The following PTGDR variants were observed in gnomAD, a reference collection of about 807,000 sequenced individuals.
PTGDR encodes PGD2 receptor.
PTGDR carries 19 observed loss-of-function variants against 17.4 expected under a neutral mutation model. The ratio of observed to expected loss-of-function variants is 1.09; its 90% CI spans 0.76 to 1.60. The LOEUF (loss-of-function observed/expected upper bound fraction) is 1.60, where lower values mean the gene tolerates loss of function less well. Ranked by LOEUF, PTGDR falls within the 40% of genes most tolerant of loss-of-function variation. PTGDR has a pLI of 0.00. For synonymous variants in PTGDR, 267 were observed against 224.2 expected (o/e 1.19, Z -1.71); for missense variants, 526 against 481.9 (o/e 1.09, Z -0.86).
downstream of PTGDR, among the ~76,000 whole-genome samples, chr14:52,278,007 A>T (rs1235090265): frequency 6.6e-6 from 1 of 152,226 alleles, no homozygotes; most frequent in African/African-American, 2.4e-5. Context: ...TAATGTTCTC[A>T]GCAAAGTTAC....
In PTGDR at chr14:52,276,261, G is replaced by C. The variant is rs200550665; in HGVS notation, c.*1297G>C. On this transcript the variant is annotated 3_prime_UTR_variant, in exon 2 of 2. Transcript: ENST00000306051. ...TTCAAGGGGTTTCAGCATCTCTGGAGTTCCTTTGTATCTGACAATCTCAGG... is the reference window on the plus strand; with the variant it reads ...TTCAAGGGGTTTCAGCATCTCTGGACTTCCTTTGTATCTGACAATCTCAGG... The C allele has an allele frequency of 5.9e-5, 9 of 152,188 alleles. No individual in the cohort carries two copies. The highest frequency in any genetic ancestry group is 8.8e-5 in the Non-Finnish European group (6 of 68,036). 9.4% of individuals were successfully genotyped at this position (152,188 alleles called of 1,614,324 possible).
At chr14:52,278,866 A>T (rs185194717), downstream of PTGDR, among the ~76,000 whole-genome samples, 40 of 152,274 alleles carry the variant, frequency 2.6e-4, no homozygotes, top group East Asian at 5.8e-3. Flanking sequence ...GTCAAAGATT[A>T]TATTTAAAGT....
Position 52,268,240 on chromosome 14 carries a change from G to C in PTGDR, c.426G>C (p.Arg142=). 1 of 1,613,962 alleles carries C rather than the reference G, an allele frequency of 6.2e-7. No homozygotes were observed. Among genetic ancestry groups the C allele is most frequent in the Non-Finnish European group, 8.5e-7 (1 of 1,180,048 alleles). ...TAGGGCACCCTTTCTTCTACCGACG[G>C]CACATCACCCTGCGCCTGGGCGCAC... ...LSLGHPFFYR[R]HITLRLGALV... Residue 142 remains arginine, a synonymous_variant, in exon 1 of 2, where the codon CGG becomes CGC. Transcript: ENST00000306051.
At chr14:52,277,986 G>GT (rs1221069296), downstream of PTGDR, among the ~76,000 whole-genome samples, 1 of 152,178 alleles carries the variant, frequency 6.6e-6, no homozygotes, top group Non-Finnish European at 1.5e-5. Context: ...CTTCCACAGT[G>GT]TTTTTATCTG....
chr14:52,271,851 T>C (rs991344120), intron 1 of PTGDR, among the ~76,000 whole-genome samples: 6 of 152,232 alleles, frequency 3.9e-5, no homozygotes, highest in African/African-American at 7.2e-5. Flanking sequence ...TGAATAGGTA[T>C]TGGAGATTTT....
Position 52,268,547 on chromosome 14 carries a change from G to C in PTGDR, c.733G>C (p.Glu245Gln). The change falls in exon 1 of 2, where the codon GAG becomes CAG. Residue 245 changes from glutamate (E) to glutamine (Q), a missense_variant. By Grantham distance (29) the Glu-to-Gln change is conservative (BLOSUM62 2). Transcript: ENST00000306051. ...GCGCTCCTGCACCAGGGACTGTGCC[G>C]AGCCGCGCGCGGACGGGAGGGAAGC... ...HPRSCTRDCA[E>Q]PRADGREASP... 2 of 1,612,600 alleles carry C rather than the reference G, an allele frequency of 1.2e-6. No homozygotes were observed. The highest frequency in any genetic ancestry group is 1.7e-6 in the Non-Finnish European group (2 of 1,179,636).
At chr14:52,271,767 C>A (rs1438350014) in intron 1 of PTGDR, among the ~76,000 whole-genome samples, 2 of 152,286 alleles carry the variant, frequency 1.3e-5, no homozygotes, top group East Asian at 3.9e-4. Flanking sequence ...TCACTGTACA[C>A]TTGTGAGAGA....
intron 1 of PTGDR, among the ~76,000 whole-genome samples, chr14:52,274,486 A>C (rs912641551): frequency 6.6e-6 from 1 of 152,194 alleles, no homozygotes; most frequent in Middle Eastern, 3.2e-3. Context: ...TCAGGGACTT[A>C]ATCAGACTGG....
At chr14:52,272,188 T>C (rs1047414576) in intron 1 of PTGDR, among the ~76,000 whole-genome samples, 2 of 152,098 alleles carry the variant, frequency 1.3e-5, no homozygotes, top group African/African-American at 4.8e-5. Flanking sequence ...GTATTGTTCA[T>C]TGGGGCTGGT....
Position 52,275,086 on chromosome 14 carries a change from G to A in PTGDR, c.*122G>A. On this transcript the variant is annotated 3_prime_UTR_variant, in exon 2 of 2. Transcript: ENST00000306051. Reference sequence around the variant, plus strand: ...TTAAAAGTTACCTCCCATAACAAAAGCATGTATATGTATTTTCAAAAGTAT... The same window carrying A: ...TTAAAAGTTACCTCCCATAACAAAAACATGTATATGTATTTTCAAAAGTAT... The A allele has an allele frequency of 1.3e-6, 1 of 753,940 alleles. No homozygotes were observed. The highest frequency in any genetic ancestry group is 2.1e-6 in the Non-Finnish European group (1 of 475,220). 46.7% of individuals were successfully genotyped at this position (753,940 alleles called of 1,614,324 possible).
intron 1 of PTGDR, 51 bp downstream of exon 1, chr14:52,268,711 G>A: frequency 6.6e-7 from 1 of 1,508,690 alleles, no homozygotes; most frequent in Non-Finnish European, 8.9e-7. Context: ...TCCGGCCGCG[G>A]ATGCGGGGCG....
chr14:52,270,682 T>C (rs2033308436), intron 1 of PTGDR, among the ~76,000 whole-genome samples: 1 of 152,262 alleles, frequency 6.6e-6, no homozygotes, highest in African/African-American at 2.4e-5. Context: ...AAATAGTTAC[T>C]ATCTGGTCCT....
At chr14:52,279,074 C>G (rs907272496), downstream of PTGDR, among the ~76,000 whole-genome samples, 1 of 151,992 alleles carries the variant, frequency 6.6e-6, no homozygotes, top group African/African-American at 2.4e-5. Flanking sequence ...CTCATTTCTC[C>G]TAGTAATTCA....
downstream of PTGDR, among the ~76,000 whole-genome samples, chr14:52,277,857 C>CA (rs549271970): frequency 1.2e-3 from 189 of 151,834 alleles, 2 homozygotes; most frequent in African/African-American, 4.3e-3. Flanking sequence ...CTACACAAAA[C>CA]AAAAAAAGAA....
chr14:52,270,129 A>C (rs1030449846), intron 1 of PTGDR, among the ~76,000 whole-genome samples: 4 of 152,234 alleles, frequency 2.6e-5, no homozygotes, highest in Non-Finnish European at 5.9e-5. Context: ...TTACAAATGA[A>C]TCTCTGCAAT....
In PTGDR at chr14:52,276,230, G is replaced by C. The variant is rs1245265930; in HGVS notation, c.*1266G>C. On this transcript the variant is annotated 3_prime_UTR_variant, in exon 2 of 2. Transcript: ENST00000306051. Reference sequence around the variant, plus strand: ...TTCACCTTTGGTAAAAGAACAGCTGGGGAGGTTCAAGGGGTTTCAGCATCT... The same window carrying C: ...TTCACCTTTGGTAAAAGAACAGCTGCGGAGGTTCAAGGGGTTTCAGCATCT... The C allele has an allele frequency of 6.6e-6, 1 of 152,148 alleles. No homozygotes were observed. Among genetic ancestry groups the C allele is most frequent in the East Asian group, 1.9e-4 (1 of 5,204 alleles). 9.4% of individuals were successfully genotyped at this position (152,148 alleles called of 1,614,324 possible).
In PTGDR at chr14:52,267,996, T is replaced by G. The variant is rs746431998; in HGVS notation, c.182T>G (p.Phe61Cys). ...CCACTGCGCCCGCTGCCCTCGGTCT[T>G]CTACATGCTGGTGTGTGGCCTGACG... ...RRPLRPLPSVFYMLVCGLTVT... is the reference protein window; with the variant it reads ...RRPLRPLPSVCYMLVCGLTVT... The change falls in exon 1 of 2, where the codon TTC becomes TGC. Residue 61 changes from phenylalanine to cysteine, a missense_variant. Physicochemically the swap from Phe to Cys is radical, Grantham distance 205 (BLOSUM62 -2). Coordinates refer to ENST00000306051, the MANE Select transcript of PTGDR (RefSeq NM_000953.3). 1 of 1,610,012 alleles carries G rather than the reference T, an allele frequency of 6.2e-7. No homozygotes were observed. Among genetic ancestry groups the G allele is most frequent in the Non-Finnish European group, 8.5e-7 (1 of 1,179,988 alleles).
downstream of PTGDR, among the ~76,000 whole-genome samples, chr14:52,280,100 A>G (rs1358882963): frequency 2.6e-5 from 4 of 152,198 alleles, no homozygotes; most frequent in African/African-American, 4.8e-5. Flanking sequence ...TTTTAAAACA[A>G]TAAAGCCCCA....
chr14:52,272,501 A>C (rs1205885750), intron 1 of PTGDR, among the ~76,000 whole-genome samples: 2 of 151,794 alleles, frequency 1.3e-5, no homozygotes, highest in East Asian at 3.9e-4. Context: ...CATTTTTAAA[A>C]GTGCTCAATA....
Sources: gnomAD v4.1 joint callset for allele counts (sites outside exome capture counted in the v4.1 genomes callset) on GRCh38, gnomAD v4.1.1 for gene constraint, MANE v1.5 for transcripts, NCBI Gene and HGNC (gene_info 2026-07-23, HGNC 2026-07-21) for gene names.